MYO3A: variants seen among roughly 807,000 people sequenced by gnomAD.
MYO3A encodes myosin-IIIa.
Under a neutral mutation model 192.7 loss-of-function variants are expected in MYO3A, and 180 were observed. The observed-to-expected ratio is 0.93, with a 90% confidence interval of 0.83 to 1.06. The LOEUF (loss-of-function observed/expected upper bound fraction) is 1.06, where lower values mean the gene tolerates loss of function less well. Among genes scored for constraint, MYO3A ranks in the 50% least tolerant of loss-of-function variants. The pLI is 0.00. For missense variants in MYO3A, 1,896 were observed against 1,905.0 expected (o/e 1.00, Z 0.09); for synonymous variants, 628 against 645.3 (o/e 0.97, Z 0.41).
At chr10:26,165,913 C>CA in intron 26 of MYO3A, 154 bp from the exon 27 acceptor site, 1 of 754,588 alleles carries the variant, frequency 1.3e-6, no homozygotes, top group South Asian at 1.4e-5. Flanking sequence ...ATTTGGTCTA[C>CA]TCCGAAGTTG....
chr10:26,185,326 A>G (rs1485202114), intron 31 of MYO3A, among the ~76,000 whole-genome samples: 1 of 107,374 alleles, frequency 9.3e-6, no homozygotes, highest in Non-Finnish European at 1.9e-5. Flanking sequence ...ACATTCCAGG[A>G]TTCTTTTTTT....
chr10:26,173,541 T>C, intron 29 of MYO3A, 122 bp from the exon 30 acceptor site: 1 of 866,320 alleles, frequency 1.2e-6, no homozygotes, highest in Non-Finnish European at 1.8e-6. Flanking sequence ...TACTTTTTAA[T>C]TTTGAGCTTT....
At chr10:26,048,389 A>C (rs1229633990) in intron 10 of MYO3A, among the ~76,000 whole-genome samples, 1 of 152,150 alleles carries the variant, frequency 6.6e-6, no homozygotes, top group African/African-American at 2.4e-5. Context: ...CTGAAGTCAA[A>C]ATTTCCAATG....
At chr10:26,157,560 AAATC>A (rs1841217713) in intron 26 of MYO3A, 45 bp downstream of exon 26, 2 of 1,574,552 alleles carry the variant, frequency 1.3e-6, no homozygotes, top group East Asian at 4.5e-5. Flanking sequence ...GTTTATATAA[AAATC>A]ATTCAGAAGA....
At chr10:26,126,151 A>G (rs998176676) in intron 19 of MYO3A, among the ~76,000 whole-genome samples, 9 of 152,202 alleles carry the variant, frequency 5.9e-5, no homozygotes, top group Non-Finnish European at 8.8e-5. Flanking sequence ...AAGCATTGTT[A>G]TCTGACTGTA....
rs569865529 is a variant in MYO3A, at chr10:26,151,217, C to T, written c.2636-2633C>T. Among the ~76,000 whole-genome samples the T allele has an allele frequency of 7.0e-4, 106 of 152,222 alleles. 1 individual carries two copies. The highest frequency in any genetic ancestry group is 3.6e-3 in the Admixed American group (55 of 15,292). On this transcript the variant is annotated intron_variant, in intron 23 of 34. Coordinates refer to ENST00000642920, the MANE Select transcript of MYO3A (RefSeq NM_017433.5). The stretch of plus-strand genomic sequence containing the variant: ...TGATTGAGAGTATTGGTCACATCTT[C>T]TGTATTCTTACTGTTTTTCTCTCTC...
rs188048281 is a variant in MYO3A at position 26,025,716 on chromosome 10, G to C, written c.798-661G>C. ...ACAGCTGGTTAAACTTTCTACATTT[G>C]TTCAAATGCTCCTCCTGTGCTGTTG... On this transcript the variant is annotated intron_variant, in intron 9 of 34. Transcript: ENST00000642920. Among the ~76,000 whole-genome samples, 75 of 152,218 alleles carry C rather than the reference G, an allele frequency of 4.9e-4. No individual in the cohort carries two copies. In the East Asian group the frequency reaches 0.013, roughly 25 times the overall value.
chr10:26,050,476 A>T (rs1843923991), intron 10 of MYO3A, among the ~76,000 whole-genome samples: 1 of 152,058 alleles, frequency 6.6e-6, no homozygotes, highest in South Asian at 2.1e-4. Context: ...GGACTGTGCC[A>T]CTCCATCTTT....
intron 17 of MYO3A, among the ~76,000 whole-genome samples, chr10:26,113,318 A>C (rs527236846): frequency 1.5e-4 from 23 of 152,166 alleles, no homozygotes; most frequent in East Asian, 5.8e-4. Context: ...AAAATACAAA[A>C]AATTAGCCAG....
At chr10:25,945,146 G>C (rs1390829837) in intron 2 of MYO3A, among the ~76,000 whole-genome samples, 1 of 151,962 alleles carries the variant, frequency 6.6e-6, no homozygotes, top group East Asian at 1.9e-4. Context: ...TCTATTGGTT[G>C]TTTAATAGTG....
At chr10:26,130,529 A>T (rs1441453659) in intron 20 of MYO3A, among the ~76,000 whole-genome samples, 2 of 152,220 alleles carry the variant, frequency 1.3e-5, no homozygotes. Flanking sequence ...TACCCTTGAG[A>T]GGATTTTGAA....
intron 6 of MYO3A, among the ~76,000 whole-genome samples, chr10:26,000,812 C>T (rs558201539): frequency 6.6e-6 from 1 of 152,188 alleles, no homozygotes; most frequent in Non-Finnish European, 1.5e-5. Context: ...CTATAAAGAA[C>T]TACCTGAGAC....
chr10:25,973,363 A>G (rs941241450), intron 4 of MYO3A, among the ~76,000 whole-genome samples: 1 of 152,166 alleles, frequency 6.6e-6, no homozygotes, highest in Non-Finnish European at 1.5e-5. Flanking sequence ...GTTATTTATC[A>G]GCTTAAGGAG....
chr10:26,075,651 GTC>G (rs1170017941), intron 14 of MYO3A, among the ~76,000 whole-genome samples: 3 of 133,618 alleles, frequency 2.2e-5, no homozygotes, highest in Admixed American at 7.9e-5. Flanking sequence ...TGATATATAT[GTC>G]TCTCATATAT....
intron 28 of MYO3A, among the ~76,000 whole-genome samples, chr10:26,169,504 A>G (rs1219240370): frequency 6.6e-6 from 1 of 152,170 alleles, no homozygotes; most frequent in Non-Finnish European, 1.5e-5. Context: ...CACACACACT[A>G]CAAGCACTGT....
At chr10:26,060,871 C>T (rs1185650354) in intron 10 of MYO3A, among the ~76,000 whole-genome samples, 2 of 152,184 alleles carry the variant, frequency 1.3e-5, no homozygotes, top group African/African-American at 4.8e-5. Flanking sequence ...TTCAGGCAAA[C>T]ATGGGTATTG....
chr10:26,069,614 T>C (rs1835069453), intron 12 of MYO3A, among the ~76,000 whole-genome samples: 1 of 152,030 alleles, frequency 6.6e-6, no homozygotes, highest in African/African-American at 2.4e-5. Flanking sequence ...CCTTGACCTA[T>C]GTTTCAGGAG....
At chr10:26,013,174 TA>T (rs1299102915) in intron 6 of MYO3A, among the ~76,000 whole-genome samples, 1 of 152,110 alleles carries the variant, frequency 6.6e-6, no homozygotes, top group Non-Finnish European at 1.5e-5. Context: ...TTAAAAATTC[TA>T]GGAGACAACA....
At chr10:26,016,225 T>C (rs1311303122) in intron 6 of MYO3A, among the ~76,000 whole-genome samples, 3 of 152,246 alleles carry the variant, frequency 2.0e-5, no homozygotes, top group Admixed American at 2.0e-4. Context: ...CTCTTCAGTC[T>C]GTAATCTCTC....
Sources: allele counts gnomAD v4.1 joint callset (sites outside exome capture counted in the v4.1 genomes callset), GRCh38; gene constraint gnomAD v4.1.1; transcripts MANE v1.5; gene names NCBI Gene and HGNC (gene_info 2026-07-23, HGNC 2026-07-21).